Variants in ZNF800 observed in about 807,000 individuals in gnomAD.
ZNF800 encodes zinc finger protein 800.
In ZNF800, 13 loss-of-function variants were observed where a neutral mutation model predicts 59.5. The ratio of observed to expected loss-of-function variants is 0.22; its 90% CI spans 0.14 to 0.35. ZNF800 has a LOEUF of 0.35. Among genes scored for constraint, ZNF800 ranks in the 10% least tolerant of loss-of-function variants. The pLI is 1.00. For missense variants in ZNF800, 621 were observed against 783.7 expected, an observed-to-expected ratio of 0.79 and a Z score of 2.48; for synonymous variants, 266 against 265.7, an observed-to-expected ratio of 1.00 and a Z score of -0.01.
chr7:127,369,390 T>C (rs1800581170), downstream of ZNF800, among the ~76,000 whole-genome samples: 1 of 152,146 alleles, frequency 6.6e-6, no homozygotes, highest in Non-Finnish European at 1.5e-5. Flanking sequence ...TTATGTAGCC[T>C]ACATGCAGAA....
rs565059362 is a variant in ZNF800, at chr7:127,377,610, C to T, written c.158-281G>A. On this transcript the variant is annotated intron_variant, in intron 3 of 5. Coordinates refer to ENST00000265827, the MANE Select transcript of ZNF800 (RefSeq NM_176814.5). The surrounding 1 kb of genome is among the most constrained non-coding windows in gnomAD (Gnocchi z 4.7). ...ATATATCCCAAGGCAGTGGTTCCGA[C>T]ATGAGGTTAATCATTACAATGAGCT... Among the ~76,000 whole-genome samples the T allele has an allele frequency of 6.6e-6, 1 of 151,984 alleles. No individual in the cohort carries two copies. The highest frequency in any genetic ancestry group is 1.5e-5 in the Non-Finnish European group (1 of 67,908).
chr7:127,362,387 A>T (rs1482912598), intron 1 of ZNF800: 1 of 152,114 alleles, frequency 6.6e-6, no homozygotes, highest in Non-Finnish European at 1.5e-5. Context: ...TCCTTAGGGA[A>T]ATAAATGCAA....
chr7:127,376,285 T>G (rs1287481188), intron 4 of ZNF800, among the ~76,000 whole-genome samples: 5 of 151,934 alleles, frequency 3.3e-5, no homozygotes, highest in Non-Finnish European at 4.4e-5. Flanking sequence ...CCAAAAAGGT[T>G]AAGTTGAAAA....
At chr7:127,360,498 T>C (rs935755319) in intron 1 of ZNF800, 2 of 152,102 alleles carry the variant, frequency 1.3e-5, no homozygotes, top group Admixed American at 1.3e-4. Context: ...GATTCAATAA[T>C]CTCTCCTACA....
At chr7:127,383,812 T>C (rs1209908279) in intron 3 of ZNF800, among the ~76,000 whole-genome samples, 1 of 152,208 alleles carries the variant, frequency 6.6e-6, no homozygotes, top group Non-Finnish European at 1.5e-5. Flanking sequence ...TATTTCTAAA[T>C]CACCTCTAAC....
chr7:127,348,143 G>A (rs1800104822), intron 1 of ZNF800: 1 of 152,190 alleles, frequency 6.6e-6, no homozygotes, highest in African/African-American at 2.4e-5. Flanking sequence ...AGCCCCGCAA[G>A]AGCTGCAGAC....
In ZNF800 at chr7:127,374,875, A is replaced by G. The variant is rs1185018560; in HGVS notation, c.461T>C (p.Ile154Thr). The G allele has an allele frequency of 6.2e-7, 1 of 1,613,964 alleles. No individual in the cohort carries two copies. The highest frequency in any genetic ancestry group is 8.5e-7 in the Non-Finnish European group (1 of 1,179,892). ...FQYISRTDNP[I>T]EVTESSSTPE... ...AGTACTGCTTGACTCTGTGACTTCA[A>G]TAGGATTATCAGTCCTCGAAATATA... Residue 154 changes from isoleucine (I) to threonine (T), a missense_variant, in exon 5 of 6, where the codon ATT (isoleucine) becomes ACT (threonine). By Grantham distance (89) the Ile-to-Thr change is moderately conservative. Coordinates refer to ENST00000265827, the MANE Select transcript of ZNF800 (RefSeq NM_176814.5).
chr7:127,391,414 A>G (rs1801310704), intron 2 of ZNF800, 83 bp downstream of exon 2: 1 of 1,308,380 alleles, frequency 7.6e-7, no homozygotes, highest in Non-Finnish European at 1.1e-6. Flanking sequence ...CTACTGGGGC[A>G]GGAGGAAAAA....
intron 1 of ZNF800, chr7:127,362,827 G>A (rs1264177540): frequency 6.6e-6 from 1 of 152,128 alleles, no homozygotes. Context: ...TGAACATACA[G>A]TAACAACAGA....
intron 1 of ZNF800, chr7:127,350,092 T>C (rs771393273): frequency 1.2e-4 from 18 of 152,330 alleles, no homozygotes; most frequent in Non-Finnish European, 2.2e-4. Context: ...TCGCATCCCA[T>C]ATTCTTCAAA....
chr7:127,370,395 G>A lies in ZNF800; in HGVS notation c.*1419C>T, dbSNP rs925968375. On this transcript the variant is annotated 3_prime_UTR_variant, in exon 6 of 6. Coordinates refer to ENST00000265827, the MANE Select transcript of ZNF800 (RefSeq NM_176814.5). The stretch of plus-strand genomic sequence containing the variant: ...TTCTGGTTTATTTCCATCACATATA[G>A]TACATTTTTCCAACAAGAGCATGTA... 2.6e-5 allele frequency: 4 copies of A among 152,510 alleles called. No individual in the cohort carries two copies. The highest frequency in any genetic ancestry group is 9.7e-5 in the African/African-American group (4 of 41,404). 9.4% of individuals were successfully genotyped at this position (152,510 alleles called of 1,614,324 possible).
intron 1 of ZNF800, chr7:127,361,992 G>A (rs953189953): frequency 1.3e-5 from 2 of 152,102 alleles, no homozygotes; most frequent in African/African-American, 4.8e-5. Flanking sequence ...CTAAGATGCT[G>A]AATATATGAG....
intron 3 of ZNF800, among the ~76,000 whole-genome samples, chr7:127,381,286 A>C (rs971254237): frequency 1.3e-5 from 2 of 152,208 alleles, no homozygotes; most frequent in Non-Finnish European, 2.9e-5. Context: ...CAATATCATC[A>C]AAACACTGCA....
intron 3 of ZNF800, among the ~76,000 whole-genome samples, chr7:127,379,464 C>T (rs190764438): frequency 5.8e-4 from 88 of 152,226 alleles, no homozygotes; most frequent in Middle Eastern, 6.8e-3. Flanking sequence ...TGAAGAGGAA[C>T]ACCAAAATAA....
At chr7:127,365,233 T>C (rs1412623347), downstream of ZNF800, among the ~76,000 whole-genome samples, 3 of 152,058 alleles carry the variant, frequency 2.0e-5, no homozygotes, top group African/African-American at 7.2e-5. Flanking sequence ...TGGCAGAAGC[T>C]AGAAGGTTCA....
chr7:127,365,553 AC>A (rs1270043877), downstream of ZNF800, among the ~76,000 whole-genome samples: 1 of 150,414 alleles, frequency 6.6e-6, no homozygotes, highest in Non-Finnish European at 1.5e-5. Context: ...GTTTACCAAA[AC>A]AAAACAAAAC....
intron 3 of ZNF800, among the ~76,000 whole-genome samples, chr7:127,379,852 A>ACCCC (rs1562907479): frequency 0.038 from 614 of 16,102 alleles, 60 homozygotes; most frequent in African/African-American, 0.098. Context: ...CCACCCCCCC[A>ACCCC]CCCCCCCCAC....
At chr7:127,357,739 A>T (rs1216647713) in intron 1 of ZNF800, among the ~76,000 whole-genome samples, 4 of 152,216 alleles carry the variant, frequency 2.6e-5, no homozygotes, top group Admixed American at 1.3e-4. Context: ...TACAACACAT[A>T]AATTAATTCA....
chr7:127,369,925 G>A (rs1017165781), downstream of ZNF800: 5 of 152,064 alleles, frequency 3.3e-5, no homozygotes, highest in African/African-American at 9.7e-5. Flanking sequence ...ATGCTGCAAA[G>A]AGCAACCCCT....
Sources: allele counts gnomAD v4.1 joint callset (sites outside exome capture counted in the v4.1 genomes callset), GRCh38; gene constraint gnomAD v4.1.1; non-coding constraint Gnocchi (gnomAD v3.1); transcripts MANE v1.5; gene names NCBI Gene and HGNC (gene_info 2026-07-23, HGNC 2026-07-21).